STAG2: variants seen among roughly 807,000 people sequenced by gnomAD.
STAG2 encodes the protein cohesin subunit SA-2.
A neutral mutation model predicts 108.1 loss-of-function variants in STAG2; 14 were observed. The observed-to-expected ratio is 0.13, with a 90% CI of 0.09 to 0.20. STAG2 has a LOEUF of 0.20. Among genes scored for constraint, STAG2 ranks in the 10% least tolerant of loss-of-function variants. The pLI, the probability that STAG2 is intolerant of heterozygous loss-of-function variation, is 1.00. For synonymous variants in STAG2, 307 were observed against 302.7 expected (o/e 1.01, Z -0.15); for missense variants, 440 against 940.9 (o/e 0.47, Z 6.96).
At chrX:124,061,714 G>A (rs2058382213) in intron 16 of STAG2, 57 bp from the exon 17 acceptor site, 1 of 909,427 alleles carries the variant, frequency 1.1e-6, no homozygotes, top group Non-Finnish European at 1.5e-6. Context: ...GTGGCATATA[G>A]GGAGAAGAAA....
chrX:123,966,472 G>C (rs771483092), intron 1 of STAG2, among the ~76,000 whole-genome samples: 17 of 109,827 alleles, frequency 1.5e-4, no homozygotes, highest in Non-Finnish European at 2.9e-4. Flanking sequence ...AAAAAAAAAA[G>C]TTCTTAACAT....
intron 3 of STAG2, 102 bp downstream of exon 3, chrX:124,022,773 AT>A (rs1358227817): frequency 2.0e-5 from 10 of 492,234 alleles, no homozygotes; most frequent in Non-Finnish European, 3.2e-5. Flanking sequence ...AGAAGATCTA[AT>A]ATATAAAATA....
At chrX:123,965,539 T>C (rs958179908) in intron 1 of STAG2, among the ~76,000 whole-genome samples, 11 of 111,894 alleles carry the variant, frequency 9.8e-5, no homozygotes, top group Admixed American at 5.7e-4. Flanking sequence ...TGTGAAAATA[T>C]GCAGTTTAGT....
intron 15 of STAG2, among the ~76,000 whole-genome samples, chrX:124,060,923 G>A (rs1012844275): frequency 1.9e-5 from 2 of 106,733 alleles, no homozygotes; most frequent in Non-Finnish European, 3.9e-5. Context: ...CTCCATCTCC[G>A]CCACCCCCCC....
At chrX:124,034,643 C>T (rs756704900) in intron 5 of STAG2, among the ~76,000 whole-genome samples, 2 of 111,175 alleles carry the variant, frequency 1.8e-5, no homozygotes, top group African/African-American at 6.5e-5. Context: ...TCCCCCCTTG[C>T]ATATCAAATA....
chrX:124,012,638 CA>C (rs2056556654), intron 1 of STAG2, among the ~76,000 whole-genome samples: 2 of 110,955 alleles, frequency 1.8e-5, no homozygotes, highest in African/African-American at 6.5e-5. Context: ...GTGAAAGGAA[CA>C]AAAAAATTGG....
rs1432658912 is a variant in STAG2, at chrX:124,081,739, C to CCT, written c.2924+212_2924+213dup. Among the ~76,000 whole-genome samples, 4 of 112,232 alleles carry CCT rather than the reference C, an allele frequency of 3.6e-5. No homozygotes were observed. In the Admixed American group the frequency reaches 3.8e-4, roughly 11 times the overall value. On this transcript the variant is annotated intron_variant, in intron 28 of 34. Coordinates refer to ENST00000371145, the MANE Select transcript of STAG2 (RefSeq NM_001042750.2). ...AGTTGGGCCAGGCTTGGTGCTCATG[C>CCT]CTGTAATCCCAGCACTTTGGGAGGC...
intron 17 of STAG2, among the ~76,000 whole-genome samples, chrX:124,062,242 T>C (rs898391274): frequency 8.9e-6 from 1 of 111,959 alleles, no homozygotes; most frequent in Admixed American, 9.5e-5. Context: ...AAATTTCTAT[T>C]TCCTGGAATC....
At chrX:124,023,489 A>G (rs1342772571) in intron 3 of STAG2, among the ~76,000 whole-genome samples, 2 of 111,858 alleles carry the variant, frequency 1.8e-5, no homozygotes, top group African/African-American at 6.5e-5. Flanking sequence ...AGTGGAGTTT[A>G]TGAATCTTCT....
At chrX:124,034,883 T>A (rs914533971) in intron 5 of STAG2, among the ~76,000 whole-genome samples, 1 of 106,616 alleles carries the variant, frequency 9.4e-6, no homozygotes, top group African/African-American at 3.4e-5. Flanking sequence ...TTGTTGTTAT[T>A]ATTATTATTA....
intron 1 of STAG2, among the ~76,000 whole-genome samples, chrX:123,974,235 T>C (rs1302277417): frequency 2.0e-5 from 2 of 101,521 alleles, no homozygotes; most frequent in African/African-American, 6.8e-5. Context: ...TTTTCTTTTT[T>C]CTTTTTTTTT....
intron 13 of STAG2, among the ~76,000 whole-genome samples, chrX:124,055,136 G>T (rs1461068743): frequency 1.8e-5 from 2 of 111,904 alleles, no homozygotes; most frequent in Non-Finnish European, 3.8e-5. Context: ...TATATAAAGA[G>T]CAATTGAAAT....
At chrX:124,019,623 C>CT (rs1277106835) in intron 1 of STAG2, among the ~76,000 whole-genome samples, 8 of 110,142 alleles carry the variant, frequency 7.3e-5, no homozygotes, top group Admixed American at 2.9e-4. Flanking sequence ...CCTGACACAA[C>CT]TTTTTTTTTC....
intron 11 of STAG2, 89 bp downstream of exon 11, chrX:124,050,398 C>T (rs2057999781): frequency 1.1e-6 from 1 of 929,054 alleles, no homozygotes; most frequent in Non-Finnish European, 1.4e-6. Flanking sequence ...AGTATGTATA[C>T]CTGGTGACAC....
chrX:124,023,563 G>A (rs749269856), intron 3 of STAG2, among the ~76,000 whole-genome samples: 1 of 111,395 alleles, frequency 9.0e-6, no homozygotes, highest in East Asian at 2.8e-4. Flanking sequence ...TGTATTCTAA[G>A]TCTCATATCT....
chrX:124,072,600 A>ATGTGTC (rs1177177377), intron 25 of STAG2, among the ~76,000 whole-genome samples: 1 of 110,639 alleles, frequency 9.0e-6, no homozygotes, highest in East Asian at 2.8e-4. Flanking sequence ...AGTTTACTAG[A>ATGTGTC]TGGTATGGAT....
chrX:124,070,799 A>G (rs146401714), intron 24 of STAG2, among the ~76,000 whole-genome samples: 2 of 111,677 alleles, frequency 1.8e-5, no homozygotes, highest in African/African-American at 6.5e-5. Flanking sequence ...AATATAGAGC[A>G]AAGTAGGGGA....
chrX:124,066,170 T>TTTTTA lies in STAG2; in HGVS notation c.2097-5_2097-4insTTTTA. On this transcript the variant is annotated splice_polypyrimidine_tract_variant and splice_region_variant and intron_variant, in intron 21 of 34. Transcript: ENST00000371145. ...TTTTTTTTTTTTTTTTTTTTTTTTTTACAGTGCCCATGACCTTTCAAAGTG... is the reference window on the plus strand; with the variant it reads ...TTTTTTTTTTTTTTTTTTTTTTTTTTTTTTAACAGTGCCCATGACCTTTCAAAGTG... The TTTTTA allele has an allele frequency of 1.1e-6, 1 of 924,050 alleles. No homozygotes were observed. Among genetic ancestry groups the TTTTTA allele is most frequent in the South Asian group, 3.1e-5 (1 of 32,747 alleles). The allele number at this position is 924,050 out of a possible 1,213,427, so 76.2% of individuals were successfully genotyped here.
At chrX:124,096,303 T>C (rs1263107755) in intron 34 of STAG2, among the ~76,000 whole-genome samples, 1 of 111,396 alleles carries the variant, frequency 9.0e-6, no homozygotes, top group African/African-American at 3.3e-5. Flanking sequence ...TTCTATGCTC[T>C]AGCCATATCA....
Sources: allele counts gnomAD v4.1 joint callset (sites outside exome capture counted in the v4.1 genomes callset), GRCh38; gene constraint gnomAD v4.1.1; transcripts MANE v1.5; gene names NCBI Gene and HGNC (gene_info 2026-07-23, HGNC 2026-07-21).